DNAJB14: variants seen among roughly 807,000 people sequenced by gnomAD.
DNAJB14 encodes dnaJ homolog subfamily B member 14.
DNAJB14 carries 22 observed loss-of-function variants against 48.4 expected under a neutral mutation model. The observed-to-expected ratio is 0.45, with a 90% CI of 0.32 to 0.65. DNAJB14 has a LOEUF of 0.65. Among genes scored for constraint, DNAJB14 ranks in the 30% least tolerant of loss-of-function variants. The pLI is 0.03. For missense variants in DNAJB14, 319 were observed against 458.8 expected, an observed-to-expected ratio of 0.70 and a Z score of 2.78; for synonymous variants, 142 against 158.7, an observed-to-expected ratio of 0.89 and a Z score of 0.79.
Position 99,908,835 on chromosome 4 carries a change from C to T in DNAJB14, c.513G>A (p.Thr171=), listed in dbSNP as rs550596418. The T allele has an allele frequency of 1.1e-4, 180 of 1,608,808 alleles. No individual in the cohort carries two copies. The highest frequency in any genetic ancestry group is 1.7e-4 in the Middle Eastern group (1 of 5,946). Residue 171 remains threonine, a synonymous_variant, in exon 4 of 8, where the codon ACG becomes ACA. Transcript: ENST00000442697. ...GGTTACATGCTTGTTCTTCATTGCC[C>T]GTGAGGTCATACTGTTTTCGCTTTT... The part of the protein sequence containing the change: ...NPEKRKQYDL[T]GNEEQACNHQ...
rs570707186 is a variant in DNAJB14, at chr4:99,945,818, C to T, written c.133+621G>A. On this transcript the variant is annotated intron_variant, in intron 1 of 7. Transcript: ENST00000442697. Reference sequence around the variant, plus strand: ...TACCATATTCCTCAGAGATTTGGTTCGTCGATAATCATGGTGTTATCAAAT... The same window carrying T: ...TACCATATTCCTCAGAGATTTGGTTTGTCGATAATCATGGTGTTATCAAAT... Among the ~76,000 whole-genome samples the T allele has an allele frequency of 3.9e-5, 6 of 152,316 alleles. No individual in the cohort carries two copies. In the East Asian group the frequency reaches 7.7e-4, roughly 20 times the overall value.
rs1360406537 is a variant in DNAJB14 at position 99,898,955 on chromosome 4, A to C, written c.*2073T>G. The C allele has an allele frequency of 1.3e-5, 2 of 151,948 alleles. No homozygotes were observed. The highest frequency in any genetic ancestry group is 3.8e-4 in the East Asian group (2 of 5,198). 9.4% of individuals were successfully genotyped at this position (151,948 alleles called of 1,614,324 possible). ...TACTTCATATGTGGCTTAAATTGTC[A>C]GGCACTCAGTCTGTCATTTCTCACT... On this transcript the variant is annotated 3_prime_UTR_variant, in exon 8 of 8. Transcript: ENST00000442697.
chr4:99,930,633 T>C lies in DNAJB14; in HGVS notation c.134-12A>G. 1 of 1,604,980 alleles carries C rather than the reference T, an allele frequency of 6.2e-7. No homozygotes were observed. On this transcript the variant is annotated splice_polypyrimidine_tract_variant and intron_variant, in intron 1 of 7. Coordinates refer to ENST00000442697, the MANE Select transcript of DNAJB14 (RefSeq NM_001031723.4). ...TATTTCCAATAGTGCTGTAGAAAGA[T>C]AAAGTACACTATGCCTGTTTACATC...
chr4:99,902,038 A>C (rs763924415), intron 7 of DNAJB14, among the ~76,000 whole-genome samples: 5 of 152,136 alleles, frequency 3.3e-5, no homozygotes, highest in Non-Finnish European at 5.9e-5. Flanking sequence ...CAACTCAATC[A>C]ATATTATCCT....
At chr4:99,913,621 G>GTTTT (rs372025043) in intron 3 of DNAJB14, among the ~76,000 whole-genome samples, 6 of 107,622 alleles carry the variant, frequency 5.6e-5, no homozygotes, top group African/African-American at 2.0e-4. Context: ...CTGGTCTGTA[G>GTTTT]TTTTTTTTTT....
intron 3 of DNAJB14, among the ~76,000 whole-genome samples, chr4:99,919,156 G>A (rs1725960934): frequency 6.6e-6 from 1 of 152,036 alleles, no homozygotes; most frequent in Non-Finnish European, 1.5e-5. Flanking sequence ...CTGTTTTTCT[G>A]TCTTTCTAGG....
intron 1 of DNAJB14, 66 bp from the exon 2 acceptor site, chr4:99,930,687 A>G: frequency 6.7e-7 from 1 of 1,482,962 alleles, no homozygotes; most frequent in South Asian, 1.4e-5. Context: ...CCTGAGAAGA[A>G]AGTTTTAAAG....
chr4:99,911,003 C>T (rs1357472787), intron 3 of DNAJB14, among the ~76,000 whole-genome samples: 2 of 152,048 alleles, frequency 1.3e-5, no homozygotes, highest in Admixed American at 6.6e-5. Context: ...TCATGTTGCT[C>T]TTTCATAACC....
intron 2 of DNAJB14, chr4:99,924,207 CAG>C (rs1726164219): frequency 6.6e-6 from 1 of 151,870 alleles, no homozygotes. Context: ...GGCTTGATGA[CAG>C]AGTTAGTGAC....
At position 99,897,528 on chromosome 4, in the gene DNAJB14, C is replaced by G. The variant is rs756079281; in HGVS notation, c.*3500G>C. Reference sequence around the variant, plus strand: ...GATGAGCAAGAATTCCTTGAAAAGCCTCATTCTATCCTTTTTCTTTGTAAC... The same window carrying G: ...GATGAGCAAGAATTCCTTGAAAAGCGTCATTCTATCCTTTTTCTTTGTAAC... On this transcript the variant is annotated 3_prime_UTR_variant, in exon 8 of 8. Coordinates refer to ENST00000442697, the MANE Select transcript of DNAJB14 (RefSeq NM_001031723.4). 4 of 151,842 alleles carry G rather than the reference C, an allele frequency of 2.6e-5. No homozygotes were observed. Among genetic ancestry groups the G allele is most frequent in the Non-Finnish European group, 4.4e-5 (3 of 67,860 alleles). 9.4% of individuals were successfully genotyped at this position (151,842 alleles called of 1,614,324 possible). A position where few individuals can be genotyped will look rare whatever the true frequency, so the allele number is the denominator to read the frequency against.
At chr4:99,925,295 A>G (rs1726211193) in intron 2 of DNAJB14, 2 of 152,700 alleles carry the variant, frequency 1.3e-5, no homozygotes, top group Non-Finnish European at 2.9e-5. Context: ...GTTATTTTTC[A>G]CCAAATACTT....
intron 2 of DNAJB14, chr4:99,928,443 T>C (rs1266991976): frequency 1.1e-5 from 3 of 269,216 alleles, no homozygotes; most frequent in Non-Finnish European, 2.4e-5. Flanking sequence ...GGTGTCTCCT[T>C]GCCTACAGCC....
rs1725273692 is a variant in DNAJB14, at chr4:99,900,883, G to A, written c.*145C>T. ...AGTTACTATTTAAAGGAGCCAGTAGGTCATAAACAGTCCAAGATTTCAGGA... is the reference window on the plus strand; with the variant it reads ...AGTTACTATTTAAAGGAGCCAGTAGATCATAAACAGTCCAAGATTTCAGGA... On this transcript the variant is annotated 3_prime_UTR_variant, in exon 8 of 8. Transcript: ENST00000442697. 2 of 785,274 alleles carry A rather than the reference G, an allele frequency of 2.5e-6. No individual in the cohort carries two copies. The highest frequency in any genetic ancestry group is 2.4e-5 in the South Asian group (1 of 42,442). The allele number at this position is 785,274 out of a possible 1,614,324, so 48.6% of individuals were successfully genotyped here. A position where few individuals can be genotyped will look rare whatever the true frequency, so the allele number is the denominator to read the frequency against.
At chr4:99,942,974 C>T (rs886694740) in intron 1 of DNAJB14, among the ~76,000 whole-genome samples, 7 of 152,118 alleles carry the variant, frequency 4.6e-5, no homozygotes, top group Admixed American at 1.3e-4. Context: ...CCAATAGCTT[C>T]GACTTCCTTC....
Position 99,897,883 on chromosome 4 carries a change from T to A in DNAJB14, c.*3145A>T, listed in dbSNP as rs1256111904. 1 of 152,028 alleles carries A rather than the reference T, an allele frequency of 6.6e-6. No homozygotes were observed. Among genetic ancestry groups the A allele is most frequent in the Non-Finnish European group, 1.5e-5 (1 of 67,890 alleles). The allele number at this position is 152,028 out of a possible 1,614,324, so 9.4% of individuals were successfully genotyped here. ...TCTTCTTAACCATTTGGTCCTCTGA[T>A]ATAAAACTTGCTTAACTGGCAAGAT... On this transcript the variant is annotated 3_prime_UTR_variant, in exon 8 of 8. Transcript: ENST00000442697.
At chr4:99,920,950 C>T (rs926839680) in intron 3 of DNAJB14, among the ~76,000 whole-genome samples, 6 of 152,088 alleles carry the variant, frequency 3.9e-5, no homozygotes, top group African/African-American at 1.4e-4. Flanking sequence ...AGATAAATGG[C>T]TTAGTATTCC....
At chr4:99,945,675 A>C (rs1727042176) in intron 1 of DNAJB14, among the ~76,000 whole-genome samples, 2 of 152,260 alleles carry the variant, frequency 1.3e-5, no homozygotes, top group African/African-American at 4.8e-5. Context: ...GAAATAATCC[A>C]TGCAAAATGT....
At chr4:99,934,445 A>C (rs1006828605) in intron 1 of DNAJB14, among the ~76,000 whole-genome samples, 1 of 152,168 alleles carries the variant, frequency 6.6e-6, no homozygotes, top group African/African-American at 2.4e-5. Context: ...ACAAGCTGAA[A>C]AGACTAAAAA....
At chr4:99,933,365 G>T (rs984147407) in intron 1 of DNAJB14, among the ~76,000 whole-genome samples, 6 of 141,266 alleles carry the variant, frequency 4.2e-5, no homozygotes, top group African/African-American at 5.4e-5. Context: ...TATAATCTCG[G>T]TTCACTGCAA....
Sources: allele counts gnomAD v4.1 joint callset (sites outside exome capture counted in the v4.1 genomes callset), GRCh38; gene constraint gnomAD v4.1.1; transcripts MANE v1.5; gene names NCBI Gene and HGNC (gene_info 2026-07-23, HGNC 2026-07-21).